The following SRL variants were observed in gnomAD, a reference collection of about 807,000 sequenced individuals.
SRL encodes the protein sarcalumenin.
SRL carries 23 observed loss-of-function variants against 39.5 expected under a neutral mutation model. The observed-to-expected ratio is 0.58, with a 90% CI of 0.42 to 0.82. The LOEUF (loss-of-function observed/expected upper bound fraction) is 0.82, where lower values mean the gene tolerates loss of function less well. Among genes scored for constraint, SRL ranks in the 40% least tolerant of loss-of-function variants. The pLI is 0.00. For missense variants in SRL, 592 were observed against 607.8 expected (o/e 0.97, Z 0.27); for synonymous variants, 272 against 237.4 (o/e 1.15, Z -1.34).
In SRL at chr16:4,190,785, T is replaced by C; in HGVS notation, c.*1368A>G. ...ACCGACACCGAGTGGCTGGTGCTGG[T>C]TCTGACTCCTAGGAAATTGCTCCAA... is the stretch of plus-strand genomic sequence containing the variant. On this transcript the variant is annotated 3_prime_UTR_variant, in exon 6 of 6. Coordinates refer to ENST00000399609, the MANE Select transcript of SRL (RefSeq NM_001098814.2). 1 of 274,444 alleles carries C rather than the reference T, an allele frequency of 3.6e-6. No homozygotes were observed. The allele number at this position is 274,444 out of a possible 1,614,324, so 17.0% of individuals were successfully genotyped here.
In SRL at chr16:4,190,680, G is replaced by A. The variant is rs1168057185; in HGVS notation, c.*1473C>T. On this transcript the variant is annotated 3_prime_UTR_variant, in exon 6 of 6. Transcript: ENST00000399609. ...ATATTCACACTTATTGGTATTGAAG[G>A]CCCTGGCTTTCCTGCGGTGTGTTCA... is the stretch of plus-strand genomic sequence containing the variant. The A allele has an allele frequency of 1.1e-4, 44 of 390,900 alleles. No homozygotes were observed. In the East Asian group the frequency reaches 1.6e-3, roughly 14 times the overall value. The allele number at this position is 390,900 out of a possible 1,614,324, so 24.2% of individuals were successfully genotyped here. A position where few individuals can be genotyped will look rare whatever the true frequency, so the allele number is the denominator to read the frequency against.
intron 1 of SRL, among the ~76,000 whole-genome samples, chr16:4,215,095 G>T (rs2141048048): frequency 6.6e-6 from 1 of 152,294 alleles, no homozygotes; most frequent in South Asian, 2.1e-4. Flanking sequence ...GAAGTCTTAG[G>T]ACAACTTTGC....
At chr16:4,207,352 G>C (rs1412833537) in intron 1 of SRL, 2 of 456,638 alleles carry the variant, frequency 4.4e-6, no homozygotes, top group Non-Finnish European at 8.8e-6. Context: ...TCTGCAGCTG[G>C]GCCGGGCTCC....
chr16:4,204,144 C>T (rs548363969), intron 2 of SRL, among the ~76,000 whole-genome samples: 1 of 152,334 alleles, frequency 6.6e-6, no homozygotes, highest in African/African-American at 2.4e-5. Flanking sequence ...AGCCCTGCTG[C>T]AATCCTTGGG....
chr16:4,207,431 G>A (rs761889807), intron 1 of SRL: 5 of 456,646 alleles, frequency 1.1e-5, no homozygotes, highest in East Asian at 7.0e-5. Context: ...CAACAGCCGC[G>A]ACGTCAGGGG....
At chr16:4,211,063 A>G (rs6500589) in intron 1 of SRL, among the ~76,000 whole-genome samples, 52,853 of 151,916 alleles carry the variant, frequency 0.35, 10,874 homozygotes, top group African/African-American at 0.57. Flanking sequence ...GACTCTCAGC[A>G]TTGGCTGCAT....
intron 2 of SRL, among the ~76,000 whole-genome samples, chr16:4,203,567 G>A (rs1187979774): frequency 6.6e-6 from 1 of 152,086 alleles, no homozygotes; most frequent in Admixed American, 6.5e-5. Context: ...TGTCACCCAG[G>A]CTGGAGTGCA....
At chr16:4,221,015 T>A (rs1393236965) in intron 1 of SRL, among the ~76,000 whole-genome samples, 1 of 151,574 alleles carries the variant, frequency 6.6e-6, no homozygotes, top group Non-Finnish European at 1.5e-5. Flanking sequence ...TGAAACCAGA[T>A]GAGGCCCTCA....
chr16:4,218,531 A>G (rs918670855), intron 1 of SRL, among the ~76,000 whole-genome samples: 2 of 152,100 alleles, frequency 1.3e-5, no homozygotes, highest in African/African-American at 2.4e-5. Context: ...TCTGGCCTCC[A>G]ATATACAGCG....
intron 1 of SRL, chr16:4,207,627 T>A (rs745663151): frequency 2.3e-6 from 1 of 441,724 alleles, no homozygotes; most frequent in East Asian, 7.0e-5. Flanking sequence ...GGGGAGTTCA[T>A]GGCCCCCAGC....
At chr16:4,230,608 T>G (rs141895398) in intron 1 of SRL, among the ~76,000 whole-genome samples, 3 of 151,594 alleles carry the variant, frequency 2.0e-5, no homozygotes, top group East Asian at 3.9e-4. Flanking sequence ...AGGCTGGTCT[T>G]GAACTCCCGA....
chr16:4,196,689 C>T (rs1002809738), intron 4 of SRL, among the ~76,000 whole-genome samples: 6 of 152,080 alleles, frequency 3.9e-5, no homozygotes, highest in Non-Finnish European at 8.8e-5. Context: ...CCATCTTGGC[C>T]AGGCTGGTCT....
At chr16:4,208,258 C>T (rs1351457605) in intron 1 of SRL, among the ~76,000 whole-genome samples, 3 of 152,136 alleles carry the variant, frequency 2.0e-5, no homozygotes, top group Non-Finnish European at 4.4e-5. Flanking sequence ...AGGACTACCT[C>T]GTGCGTAGCG....
chr16:4,216,062 C>T (rs1356519255), intron 1 of SRL, among the ~76,000 whole-genome samples: 3 of 151,642 alleles, frequency 2.0e-5, no homozygotes, highest in African/African-American at 7.3e-5. Flanking sequence ...AAGACTTCAG[C>T]ACAATTGTTT....
At chr16:4,231,527 G>C (rs369708382) in intron 1 of SRL, among the ~76,000 whole-genome samples, 1 of 152,028 alleles carries the variant, frequency 6.6e-6, no homozygotes. Flanking sequence ...AACCCAGCTC[G>C]AGCCCCCCTT....
chr16:4,218,612 G>A (rs1357916307), intron 1 of SRL, among the ~76,000 whole-genome samples: 1 of 152,182 alleles, frequency 6.6e-6, no homozygotes, highest in Non-Finnish European at 1.5e-5. Context: ...CTCACACACA[G>A]GCCCGCTGGA....
At chr16:4,198,114 T>C (rs552840495) in intron 3 of SRL, among the ~76,000 whole-genome samples, 199 bp from the exon 4 acceptor site, 8 of 152,230 alleles carry the variant, frequency 5.3e-5, no homozygotes, top group Non-Finnish European at 8.8e-5. Context: ...GAAGTCACTT[T>C]TGGGCCTTGC....
intron 1 of SRL, among the ~76,000 whole-genome samples, chr16:4,212,635 C>A (rs2052408299): frequency 6.6e-6 from 1 of 152,286 alleles, no homozygotes; most frequent in Non-Finnish European, 1.5e-5. Context: ...CCAGGGTGGC[C>A]CCCCCGACTC....
intron 1 of SRL, among the ~76,000 whole-genome samples, chr16:4,241,180 G>A (rs1053393380): frequency 1.3e-5 from 2 of 152,058 alleles, no homozygotes. Context: ...GGGGATCCCC[G>A]GAGCACCTCC....
Sources: gnomAD v4.1 joint callset for allele counts (sites outside exome capture counted in the v4.1 genomes callset) on GRCh38, gnomAD v4.1.1 for gene constraint, MANE v1.5 for transcripts, NCBI Gene and HGNC (gene_info 2026-07-23, HGNC 2026-07-21) for gene names.